The following MAB21L3 variants were observed in gnomAD, a reference collection of about 807,000 sequenced individuals.
MAB21L3 encodes mab-21 like 3, also known as protein mab-21-like 3.
In MAB21L3, 36 loss-of-function variants were observed where a neutral mutation model predicts 37.7. That is an observed-to-expected ratio of 0.96 (90% CI 0.73 to 1.26). The LOEUF (loss-of-function observed/expected upper bound fraction) is 1.26, where lower values mean the gene tolerates loss of function less well. MAB21L3 is among the 50% of genes most tolerant of loss of function. MAB21L3 has a pLI of 0.00. For synonymous variants in MAB21L3, 186 were observed against 176.8 expected, an observed-to-expected ratio of 1.05 and a Z score of -0.41; for missense variants, 430 against 447.3, an observed-to-expected ratio of 0.96 and a Z score of 0.35.
Position 116,133,784 on chromosome 1 carries a change from T to C in MAB21L3, c.*419T>C. 1 of 225,494 alleles carries C rather than the reference T, an allele frequency of 4.4e-6. No individual in the cohort carries two copies. The allele number at this position is 225,494 out of a possible 1,614,324, so 14.0% of individuals were successfully genotyped here. On this transcript the variant is annotated 3_prime_UTR_variant, in exon 8 of 8. Transcript: ENST00000369500. ...TGATCATGGGCACATTCTCCTGCCATTTGTAAAATGGGAATGTTAACGTGC... is the reference window on the plus strand; with the variant it reads ...TGATCATGGGCACATTCTCCTGCCACTTGTAAAATGGGAATGTTAACGTGC...
chr1:116,125,718 T>C (rs1247403363), intron 5 of MAB21L3, among the ~76,000 whole-genome samples: 1 of 152,258 alleles, frequency 6.6e-6, no homozygotes, highest in Non-Finnish European at 1.5e-5. Flanking sequence ...ATAAGTTTCA[T>C]GGGTTATTTA....
rs1298805315 is a variant in MAB21L3, at chr1:116,136,766, C to T, written c.*3401C>T. ...TAACCAAAACAGCATGGTACTGGTA[C>T]CAAAACAGGGATATAGATCAATGGA... On this transcript the variant is annotated 3_prime_UTR_variant, in exon 8 of 8. Coordinates refer to ENST00000369500, the MANE Select transcript of MAB21L3 (RefSeq NM_152367.3). Among the ~76,000 whole-genome samples the T allele has an allele frequency of 6.6e-5, 10 of 151,662 alleles. No individual in the cohort carries two copies. The highest frequency in any genetic ancestry group is 2.2e-4 in the African/African-American group (9 of 41,392).
rs528561912 is a variant in MAB21L3 at position 116,133,682 on chromosome 1, G to C, written c.*317G>C. ...AGTTTCCCTTGTTCAGGCTGTGATCGTCTCACAGTGAAGATGGAGACAGAA... is the reference window on the plus strand; with the variant it reads ...AGTTTCCCTTGTTCAGGCTGTGATCCTCTCACAGTGAAGATGGAGACAGAA... On this transcript the variant is annotated 3_prime_UTR_variant, in exon 8 of 8. Transcript: ENST00000369500. The C allele has an allele frequency of 1.7e-5, 7 of 410,770 alleles. No homozygotes were observed. In the East Asian group the frequency reaches 3.1e-4, roughly 18 times the overall value. 25.4% of individuals were successfully genotyped at this position (410,770 alleles called of 1,614,324 possible).
chr1:116,134,842 T>C lies in MAB21L3; in HGVS notation c.*1477T>C, dbSNP rs966375743. On this transcript the variant is annotated 3_prime_UTR_variant, in exon 8 of 8. Coordinates refer to ENST00000369500, the MANE Select transcript of MAB21L3 (RefSeq NM_152367.3). ...TAGGAGTTCTCGGTGAGATCAATGGTTTTTTTCTGGCGTTTATGTAATGCT... is the reference window on the plus strand; with the variant it reads ...TAGGAGTTCTCGGTGAGATCAATGGCTTTTTTCTGGCGTTTATGTAATGCT... The C allele has an allele frequency of 6.7e-6, 1 of 148,378 alleles. No individual in the cohort carries two copies. Among genetic ancestry groups the C allele is most frequent in the Non-Finnish European group, 1.5e-5 (1 of 67,844 alleles). The allele number at this position is 148,378 out of a possible 1,614,324, so 9.2% of individuals were successfully genotyped here.
Position 116,134,591 on chromosome 1 carries a change from A to G in MAB21L3, c.*1226A>G, listed in dbSNP as rs12089368. 1 of 152,222 alleles carries G rather than the reference A, an allele frequency of 6.6e-6. No individual in the cohort carries two copies. The highest frequency in any genetic ancestry group is 2.4e-5 in the African/African-American group (1 of 41,432). The allele number at this position is 152,222 out of a possible 1,614,324, so 9.4% of individuals were successfully genotyped here. On this transcript the variant is annotated 3_prime_UTR_variant, in exon 8 of 8. Transcript: ENST00000369500. ...ACCTGGCCTTGTAAAGCCAGGAAGGAATCAGTATTTTATTCTAAGATCAAA... is the reference window on the plus strand; with the variant it reads ...ACCTGGCCTTGTAAAGCCAGGAAGGGATCAGTATTTTATTCTAAGATCAAA...
intron 5 of MAB21L3, among the ~76,000 whole-genome samples, chr1:116,127,256 T>C (rs6668233): frequency 0.36 from 55,235 of 152,086 alleles, 13,584 homozygotes; most frequent in African/African-American, 0.7. Flanking sequence ...AATGTTCCGA[T>C]GCTGGCTAGC....
At position 116,135,613 on chromosome 1, in the gene MAB21L3, C is replaced by T. The variant is rs1570817837; in HGVS notation, c.*2248C>T. On this transcript the variant is annotated 3_prime_UTR_variant, in exon 8 of 8. Transcript: ENST00000369500. ...AATCAATTGAAAAAGAGGGAATCCT[C>T]CCTAACTCATTTTATGAGGCCAGCA... Among the ~76,000 whole-genome samples, 1 of 152,210 alleles carries T rather than the reference C, an allele frequency of 6.6e-6. No individual in the cohort carries two copies. The highest frequency in any genetic ancestry group is 2.4e-5 in the African/African-American group (1 of 41,444).
chr1:116,119,328 G>A (rs941181876), intron 3 of MAB21L3, among the ~76,000 whole-genome samples: 2 of 152,144 alleles, frequency 1.3e-5, no homozygotes, highest in Admixed American at 6.5e-5. Context: ...GATATACAAC[G>A]TGTCTAACAA....
intron 4 of MAB21L3, among the ~76,000 whole-genome samples, chr1:116,122,006 C>T (rs1458657951): frequency 6.6e-6 from 1 of 152,144 alleles, no homozygotes; most frequent in African/African-American, 2.4e-5. Flanking sequence ...CTGCACATCC[C>T]TCGATTGTAA....
In MAB21L3 at chr1:116,124,254, G is replaced by A; in HGVS notation, c.378G>A (p.Trp126Ter). The A allele has an allele frequency of 4.3e-6, 7 of 1,614,198 alleles. No homozygotes were observed. Among genetic ancestry groups the A allele is most frequent in the Non-Finnish European group, 5.9e-6 (7 of 1,180,032 alleles). The change falls in exon 5 of 8, where the codon TGG becomes TGA. Residue 126 changes from tryptophan (W) to a stop codon, truncating the protein, a stop_gained. Coordinates refer to ENST00000369500, the MANE Select transcript of MAB21L3 (RefSeq NM_152367.3). LOFTEE classifies it high-confidence loss of function. ...VEQFMKSLWQ[W>*]HETDVNIDGD... ...AGTTTATGAAGAGCCTGTGGCAGTG[G>A]CATGAGACAGATGTGAACATCGACG...
intron 7 of MAB21L3, among the ~76,000 whole-genome samples, chr1:116,131,706 G>C (rs1557934888): frequency 6.6e-6 from 1 of 152,008 alleles, no homozygotes; most frequent in East Asian, 1.9e-4. Flanking sequence ...AGTAGAGATG[G>C]GGTTTCACCG....
At chr1:116,126,669 C>T (rs1264247923) in intron 5 of MAB21L3, among the ~76,000 whole-genome samples, 1 of 152,158 alleles carries the variant, frequency 6.6e-6, no homozygotes. Flanking sequence ...TGGCATTAGC[C>T]TTCCCTATGT....
At position 116,120,783 on chromosome 1, in the gene MAB21L3, C is replaced by A. The variant is rs550789710; in HGVS notation, c.49-149C>A. Reference sequence around the variant, plus strand: ...TTCTCAATGGAGTCAGACCTAAATTCATCTCCCCGGCATCTTGGGAAGGCA... The same window carrying A: ...TTCTCAATGGAGTCAGACCTAAATTAATCTCCCCGGCATCTTGGGAAGGCA... On this transcript the variant is annotated intron_variant, in intron 3 of 7. Coordinates refer to ENST00000369500, the MANE Select transcript of MAB21L3 (RefSeq NM_152367.3). 1.4e-5 allele frequency: 13 copies of A among 904,554 alleles called. No individual in the cohort carries two copies. The African/African-American group carries it at 2.2e-4, about 15-fold the overall frequency. The allele number at this position is 904,554 out of a possible 1,614,324, so 56.0% of individuals were successfully genotyped here.
intron 7 of MAB21L3, among the ~76,000 whole-genome samples, chr1:116,131,325 G>A (rs1660060688): frequency 6.6e-6 from 1 of 152,194 alleles, no homozygotes; most frequent in Non-Finnish European, 1.5e-5. Context: ...GAAGCAGGAT[G>A]TGCAAAGGCT....
intron 7 of MAB21L3, among the ~76,000 whole-genome samples, chr1:116,132,797 G>A (rs1660105797): frequency 6.6e-6 from 1 of 152,212 alleles, no homozygotes; most frequent in South Asian, 2.1e-4. Flanking sequence ...GGGAGGAAGA[G>A]AGGTGGGTGC....
Position 116,133,377 on chromosome 1 carries a change from G to A in MAB21L3, c.*12G>A, listed in dbSNP as rs1660128697. ...TCGGCCCGCCCTGATGGTTGCCCCG[G>A]CCTGGGAGGCTCTTGGACATTTTAT... On this transcript the variant is annotated 3_prime_UTR_variant, in exon 8 of 8. Coordinates refer to ENST00000369500, the MANE Select transcript of MAB21L3 (RefSeq NM_152367.3). 6.2e-7 allele frequency: 1 copy of A among 1,607,124 alleles called. No homozygotes were observed. Among genetic ancestry groups the A allele is most frequent in the Non-Finnish European group, 8.5e-7 (1 of 1,173,652 alleles).
Position 116,136,571 on chromosome 1 carries a change from T to G in MAB21L3, c.*3206T>G, listed in dbSNP as rs1660202421. ...TGCCCAAGGTAATTTACAGATTCAA[T>G]GCCATCCCCATCAAGCTACCAATGA... On this transcript the variant is annotated 3_prime_UTR_variant, in exon 8 of 8. Transcript: ENST00000369500. 6.6e-6 allele frequency among the ~76,000 whole-genome samples: 1 copy of G among 152,138 alleles called. No homozygotes were observed. The highest frequency in any genetic ancestry group is 2.4e-5 in the African/African-American group (1 of 41,396).
chr1:116,128,920 C>T (rs1234865572), intron 7 of MAB21L3, among the ~76,000 whole-genome samples: 1 of 152,226 alleles, frequency 6.6e-6, no homozygotes. Context: ...CAGCCCCTGC[C>T]TCTCCTTGCC....
In MAB21L3 at chr1:116,133,387, C is replaced by G; in HGVS notation, c.*22C>G. 1 of 1,595,948 alleles carries G rather than the reference C, an allele frequency of 6.3e-7. No homozygotes were observed. Among genetic ancestry groups the G allele is most frequent in the Non-Finnish European group, 8.6e-7 (1 of 1,163,560 alleles). Reference sequence around the variant, plus strand: ...CTGATGGTTGCCCCGGCCTGGGAGGCTCTTGGACATTTTATTCTGGCTTAA... The same window carrying G: ...CTGATGGTTGCCCCGGCCTGGGAGGGTCTTGGACATTTTATTCTGGCTTAA... On this transcript the variant is annotated 3_prime_UTR_variant, in exon 8 of 8. Coordinates refer to ENST00000369500, the MANE Select transcript of MAB21L3 (RefSeq NM_152367.3).
Sources: gnomAD v4.1 joint callset for allele counts (sites outside exome capture counted in the v4.1 genomes callset) on GRCh38, gnomAD v4.1.1 for gene constraint, MANE v1.5 for transcripts, NCBI Gene and HGNC (gene_info 2026-07-23, HGNC 2026-07-21) for gene names.